The following CDK19 variants were observed in gnomAD, a reference collection of about 807,000 sequenced individuals.
CDK19 encodes cyclin-dependent kinase 19.
In CDK19, 20 loss-of-function variants were observed where a neutral mutation model predicts 68.3. The observed-to-expected ratio is 0.29, with a 90% CI of 0.21 to 0.43. The LOEUF (loss-of-function observed/expected upper bound fraction) is 0.43. Among genes scored for constraint, CDK19 ranks in the 20% least tolerant of loss-of-function variants. The pLI is 1.00. For missense variants in CDK19, 339 were observed against 623.5 expected (o/e 0.54, Z 4.86); for synonymous variants, 221 against 222.8 (o/e 0.99, Z 0.07).
chr6:110,678,405 TTCCAGTACC>T (rs1771711059), intron 2 of CDK19, among the ~76,000 whole-genome samples: 4 of 152,218 alleles, frequency 2.6e-5, no homozygotes. Context: ...CTACCCTCTA[TTCCAGTACC>T]TCCAGTACCT....
intron 4 of CDK19, among the ~76,000 whole-genome samples, chr6:110,654,455 A>T (rs138893682): frequency 6.6e-6 from 1 of 152,348 alleles, no homozygotes; most frequent in African/African-American, 2.4e-5. Context: ...GCAACTTCCT[A>T]GAGGGCAGGG....
At chr6:110,778,590 G>T (rs556015743) in intron 1 of CDK19, among the ~76,000 whole-genome samples, 26 of 152,186 alleles carry the variant, frequency 1.7e-4, no homozygotes, top group African/African-American at 6.3e-4. Context: ...TTACTACTTG[G>T]GTAAATTGTA....
intron 4 of CDK19, chr6:110,643,280 T>G (rs1582757619): frequency 2.2e-6 from 2 of 920,394 alleles, no homozygotes; most frequent in African/African-American, 3.4e-5. Flanking sequence ...TCCATGCTAT[T>G]TAAAAGAGGT....
chr6:110,748,987 T>C (rs1012025568), intron 1 of CDK19, among the ~76,000 whole-genome samples: 7 of 152,248 alleles, frequency 4.6e-5, no homozygotes, highest in Non-Finnish European at 1.0e-4. Context: ...AACTATTTCA[T>C]TTCCAAATTA....
At chr6:110,737,453 T>C (rs1475731669) in intron 2 of CDK19, among the ~76,000 whole-genome samples, 1 of 152,098 alleles carries the variant, frequency 6.6e-6, no homozygotes, top group Non-Finnish European at 1.5e-5. Context: ...ACATAGTAGC[T>C]TGAAAAATAG....
intron 2 of CDK19, among the ~76,000 whole-genome samples, chr6:110,734,651 A>G (rs2114818070): frequency 6.6e-6 from 1 of 150,944 alleles, no homozygotes; most frequent in East Asian, 2.0e-4. Context: ...AGGCTTTGAA[A>G]TTTATGCTAC....
intron 1 of CDK19, among the ~76,000 whole-genome samples, chr6:110,765,944 A>G (rs923521271): frequency 3.3e-5 from 5 of 152,186 alleles, no homozygotes; most frequent in African/African-American, 1.2e-4. Context: ...AAAAGAGAAA[A>G]TAACAAATGT....
chr6:110,732,118 G>GA (rs1303103461), intron 2 of CDK19, among the ~76,000 whole-genome samples: 14 of 142,394 alleles, frequency 9.8e-5, no homozygotes, highest in African/African-American at 3.6e-4. Flanking sequence ...CTAGCTAACA[G>GA]AGAAATCATC....
Position 110,614,458 on chromosome 6 carries a change from T to C in CDK19, c.*77A>G. 6.9e-7 allele frequency: 1 copy of C among 1,454,688 alleles called. No homozygotes were observed. The highest frequency in any genetic ancestry group is 9.4e-7 in the Non-Finnish European group (1 of 1,060,292). 90.1% of individuals were successfully genotyped at this position (1,454,688 alleles called of 1,614,324 possible). Reference sequence around the variant, plus strand: ...TTAAATGGCATCATAGTTTGCATTTTTTTGGTTCTTTTCAATGCAGACATA... The same window carrying C: ...TTAAATGGCATCATAGTTTGCATTTCTTTGGTTCTTTTCAATGCAGACATA... On this transcript the variant is annotated 3_prime_UTR_variant, in exon 13 of 13. Coordinates refer to ENST00000368911, the MANE Select transcript of CDK19 (RefSeq NM_015076.5).
intron 4 of CDK19, among the ~76,000 whole-genome samples, chr6:110,643,583 T>C (rs1780343372): frequency 6.6e-6 from 1 of 152,108 alleles, no homozygotes; most frequent in Non-Finnish European, 1.5e-5. Flanking sequence ...AACTAAGATT[T>C]TGATAAGCAT....
At chr6:110,690,367 G>A (rs555093985) in intron 2 of CDK19, among the ~76,000 whole-genome samples, 119 of 152,314 alleles carry the variant, frequency 7.8e-4, no homozygotes, top group Admixed American at 1.9e-3. Flanking sequence ...GAGATAGATA[G>A]CTTCCCTGCT....
At chr6:110,756,484 C>G (rs1778846531) in intron 1 of CDK19, among the ~76,000 whole-genome samples, 1 of 151,158 alleles carries the variant, frequency 6.6e-6, no homozygotes, top group Non-Finnish European at 1.5e-5. Flanking sequence ...ATCACTTGAG[C>G]CAGGAAAGTG....
intron 1 of CDK19, chr6:110,813,161 T>C (rs1783248509): frequency 6.6e-6 from 1 of 151,988 alleles, no homozygotes. Context: ...AAAGGAAGTG[T>C]ATTCGAATCA....
chr6:110,654,656 G>A (rs1158825419), intron 4 of CDK19, among the ~76,000 whole-genome samples: 1 of 152,198 alleles, frequency 6.6e-6, no homozygotes, highest in Non-Finnish European at 1.5e-5. Flanking sequence ...TTGAAAAGAA[G>A]ATGGCTGCGT....
chr6:110,730,247 T>A (rs1401307685), intron 2 of CDK19, among the ~76,000 whole-genome samples: 2 of 152,182 alleles, frequency 1.3e-5, no homozygotes, highest in African/African-American at 4.8e-5. Flanking sequence ...GTAGCTATAG[T>A]GGCTATTTTA....
At chr6:110,618,421 CT>C (rs1449693044) in intron 12 of CDK19, among the ~76,000 whole-genome samples, 3 of 152,230 alleles carry the variant, frequency 2.0e-5, no homozygotes. Flanking sequence ...GCATGAGCCA[CT>C]GTCCCCAGCC....
At chr6:110,759,352 C>T (rs1156905358) in intron 1 of CDK19, among the ~76,000 whole-genome samples, 7 of 142,454 alleles carry the variant, frequency 4.9e-5, no homozygotes, top group African/African-American at 1.8e-4. Flanking sequence ...GTGCAGTGAG[C>T]CGAGATGGCA....
intron 5 of CDK19, 43 bp from the exon 6 acceptor site, chr6:110,632,204 T>C: frequency 1.3e-6 from 2 of 1,489,778 alleles, no homozygotes; most frequent in South Asian, 1.2e-5. Flanking sequence ...AGTTTGATTG[T>C]TTCTCGTCCT....
chr6:110,670,779 ACTTT>A (rs747405754), intron 2 of CDK19: 201 of 603,334 alleles, frequency 3.3e-4, no homozygotes, highest in Non-Finnish European at 5.5e-4. Flanking sequence ...GTTTTGTTTT[ACTTT>A]CTTTCTTGTC....
Sources: gnomAD v4.1 joint callset for allele counts (sites outside exome capture counted in the v4.1 genomes callset) on GRCh38, gnomAD v4.1.1 for gene constraint, MANE v1.5 for transcripts, NCBI Gene and HGNC (gene_info 2026-07-23, HGNC 2026-07-21) for gene names.